TRHDE: variants seen among roughly 807,000 people sequenced by gnomAD.
The protein encoded by TRHDE is thyrotropin releasing hormone degrading enzyme.
Under a neutral mutation model 125.7 loss-of-function variants are expected in TRHDE, and 72 were observed. The ratio of observed to expected loss-of-function variants is 0.57; its 90% CI spans 0.47 to 0.70. The LOEUF is 0.70. TRHDE is among the 30% of genes least tolerant of loss of function. The pLI is 0.00. For missense variants in TRHDE, 1,110 were observed against 1,327.1 expected (o/e 0.84, Z 2.54); for synonymous variants, 509 against 509.1 (o/e 1.00, Z 0.00).
chr12:72,553,601 C>T (rs1869778012), intron 7 of TRHDE, among the ~76,000 whole-genome samples: 3 of 152,000 alleles, frequency 2.0e-5, no homozygotes, highest in Admixed American at 6.6e-5. Context: ...GGCTGCTAGA[C>T]CCCACAACTT....
chr12:72,427,687 T>C (rs911153815), intron 3 of TRHDE, among the ~76,000 whole-genome samples: 2 of 152,146 alleles, frequency 1.3e-5, no homozygotes, highest in Admixed American at 6.6e-5. Context: ...CTTTAATATA[T>C]TTAGATAACA....
chr12:72,464,472 G>T (rs1254120887), intron 3 of TRHDE, among the ~76,000 whole-genome samples: 1 of 152,064 alleles, frequency 6.6e-6, no homozygotes, highest in African/African-American at 2.4e-5. Flanking sequence ...TCTTCACATG[G>T]CAGAAGAGAC....
At chr12:72,330,928 G>C (rs1412662452) in intron 2 of TRHDE, among the ~76,000 whole-genome samples, 1 of 152,148 alleles carries the variant, frequency 6.6e-6, no homozygotes, top group Non-Finnish European at 1.5e-5. Context: ...TCTAATTCAA[G>C]AGGTCTGGGG....
rs1219858596 is a variant in TRHDE, at chr12:72,224,162, G to GTATCTATC, written n.279+118413_279+118414insCTATCTAT. On this transcript the variant is annotated intron_variant and non_coding_transcript_variant, in intron 2 of 4. Coordinates refer to the TRHDE transcript ENST00000548156. ...TCTATTTATCTATGTATGTATGTATGTATGTATCTATCTATCTATCTATCT... is the reference window on the plus strand; with the variant it reads ...TCTATTTATCTATGTATGTATGTATGTATCTATCTATGTATCTATCTATCTATCTATCT... Among the ~76,000 whole-genome samples, 94 of 27,028 alleles carry GTATCTATC rather than the reference G, an allele frequency of 3.5e-3. 1 individual carries two copies. The highest frequency in any genetic ancestry group is 8.6e-3 in the African/African-American group (76 of 8,792). The allele number at this position is 27,028 out of a possible 152,430, so 17.7% of individuals were successfully genotyped here.
intron 2 of TRHDE, among the ~76,000 whole-genome samples, chr12:72,260,553 T>C (rs530741643): frequency 2.0e-5 from 3 of 152,082 alleles, no homozygotes; most frequent in Non-Finnish European, 4.4e-5. Context: ...GATTTATAAA[T>C]GCATTTTTCC....
At chr12:72,640,099 C>G (rs1054524402) in intron 15 of TRHDE, among the ~76,000 whole-genome samples, 10 of 152,208 alleles carry the variant, frequency 6.6e-5, no homozygotes, top group African/African-American at 2.2e-4. Flanking sequence ...GCCCCTCCCC[C>G]AGCCTCGCTG....
chr12:72,607,668 C>G (rs1268091723), intron 12 of TRHDE, among the ~76,000 whole-genome samples: 4 of 152,048 alleles, frequency 2.6e-5, no homozygotes, highest in African/African-American at 9.7e-5. Flanking sequence ...TTAAGTCTAT[C>G]AGATAGGTTT....
At chr12:72,344,489 A>T (rs778695837) in intron 2 of TRHDE, among the ~76,000 whole-genome samples, 1 of 152,160 alleles carries the variant, frequency 6.6e-6, no homozygotes, top group Non-Finnish European at 1.5e-5. Context: ...TAATGGACCA[A>T]GATTGGAATC....
At chr12:72,371,228 A>C (rs1871569163) in intron 2 of TRHDE, among the ~76,000 whole-genome samples, 1 of 151,372 alleles carries the variant, frequency 6.6e-6, no homozygotes, top group Non-Finnish European at 1.5e-5. Context: ...CCCTCCTCTG[A>C]GATGGGTCCT....
intron 12 of TRHDE, among the ~76,000 whole-genome samples, chr12:72,601,598 C>T (rs986429096): frequency 4.6e-5 from 7 of 152,064 alleles, no homozygotes; most frequent in East Asian, 1.9e-4. Context: ...ATGCAGCAAA[C>T]GTGATTGTTG....
At chr12:72,541,346 C>T (rs1387229238) in intron 6 of TRHDE, among the ~76,000 whole-genome samples, 2 of 151,498 alleles carry the variant, frequency 1.3e-5, no homozygotes, top group Non-Finnish European at 3.0e-5. Flanking sequence ...ATCATCCATA[C>T]TTAATTGTAA....
intron 2 of TRHDE, among the ~76,000 whole-genome samples, chr12:72,247,368 G>C (rs1006123261): frequency 2.0e-5 from 3 of 152,126 alleles, no homozygotes; most frequent in Admixed American, 6.5e-5. Context: ...GGGAATTTTG[G>C]GGAAAGTTTT....
chr12:72,312,225 C>T (rs559433983), intron 2 of TRHDE, among the ~76,000 whole-genome samples: 2 of 152,152 alleles, frequency 1.3e-5, no homozygotes, highest in African/African-American at 2.4e-5. Flanking sequence ...GTATTGCTGC[C>T]CATTATGCAG....
At chr12:72,231,492 G>T (rs1035942294) in intron 2 of TRHDE, among the ~76,000 whole-genome samples, 9 of 152,144 alleles carry the variant, frequency 5.9e-5, no homozygotes, top group African/African-American at 2.2e-4. Flanking sequence ...ATCAGACTTT[G>T]GAGTGGCCCA....
At chr12:72,276,219 A>C (rs1327632902) in intron 1 of TRHDE, among the ~76,000 whole-genome samples, 1 of 152,222 alleles carries the variant, frequency 6.6e-6, no homozygotes, top group East Asian at 1.9e-4. Flanking sequence ...TTGGCATTTT[A>C]AAACCCACTT....
chr12:72,257,957 A>T (rs7307765), intron 2 of TRHDE: 9 of 152,016 alleles, frequency 5.9e-5, no homozygotes, highest in Admixed American at 4.6e-4. Context: ...CAGTTTAAAT[A>T]GTTGGTCCAA....
chr12:72,570,301 C>G (rs1046101235), intron 10 of TRHDE, among the ~76,000 whole-genome samples: 1 of 152,112 alleles, frequency 6.6e-6, no homozygotes. Flanking sequence ...GTATCCCAGG[C>G]TGGGCGCTGT....
chr12:72,491,232 T>C (rs17111231), intron 5 of TRHDE, among the ~76,000 whole-genome samples: 1,893 of 151,986 alleles, frequency 0.012, 21 homozygotes, highest in Non-Finnish European at 0.018. Flanking sequence ...TGAAAGCACA[T>C]GGCATATGGA....
chr12:72,318,378 G>A (rs890602718), intron 2 of TRHDE, among the ~76,000 whole-genome samples: 1 of 152,162 alleles, frequency 6.6e-6, no homozygotes, highest in Non-Finnish European at 1.5e-5. Context: ...TTGGTAAAAA[G>A]CAACAGTCAC....
Sources: allele counts gnomAD v4.1 joint callset (sites outside exome capture counted in the v4.1 genomes callset), GRCh38; gene constraint gnomAD v4.1.1; transcripts MANE v1.5; gene names NCBI Gene and HGNC (gene_info 2026-07-23, HGNC 2026-07-21).